Variants in UNC5C observed in about 807,000 individuals in gnomAD.
UNC5C encodes the protein unc-5 netrin receptor C.
A neutral mutation model predicts 99.8 loss-of-function variants in UNC5C; 47 were observed. The observed-to-expected ratio is 0.47, with a 90% CI of 0.37 to 0.60. The LOEUF is 0.60. UNC5C is among the 20% of genes least tolerant of loss of function. The probability of loss-of-function intolerance (pLI) is 0.00; values close to 1 mark genes in which losing one functional copy is unlikely to be tolerated. For synonymous variants in UNC5C, 487 were observed against 452.2 expected (o/e 1.08, Z -0.98); for missense variants, 1,062 against 1,165.9 (o/e 0.91, Z 1.30).
intron 1 of UNC5C, among the ~76,000 whole-genome samples, chr4:95,339,492 C>CTTTATGATACTA (rs6148579): frequency 0.62 from 93,754 of 151,512 alleles, 29,322 homozygotes; most frequent in East Asian, 0.85. Flanking sequence ...AAAAAAACAG[C>CTTTATGATACTA]TTAAGGTCAT....
chr4:95,441,451 A>G (rs1252483015), intron 1 of UNC5C, among the ~76,000 whole-genome samples: 1 of 152,192 alleles, frequency 6.6e-6, no homozygotes, highest in Non-Finnish European at 1.5e-5. Flanking sequence ...TTATCAGTGA[A>G]AAATATGCCC....
intron 7 of UNC5C, among the ~76,000 whole-genome samples, chr4:95,229,797 C>CTTT (rs71583694): frequency 0.018 from 1,419 of 79,556 alleles, 233 homozygotes; most frequent in African/African-American, 0.064. Context: ...CTGTTGTTTC[C>CTTT]TTTTTTTTTT....
At chr4:95,510,193 AG>A (rs1339429119) in intron 1 of UNC5C, among the ~76,000 whole-genome samples, 6 of 152,058 alleles carry the variant, frequency 3.9e-5, no homozygotes, top group African/African-American at 1.4e-4. Context: ...AATGGACAAA[AG>A]AAAGCTTTAT....
intron 14 of UNC5C, among the ~76,000 whole-genome samples, chr4:95,173,748 A>G (rs921526381): frequency 6.2e-4 from 95 of 152,100 alleles, no homozygotes; most frequent in Admixed American, 1.1e-3. Flanking sequence ...GGATGATGCT[A>G]GCCTCATAAA....
At position 95,185,138 on chromosome 4, in the gene UNC5C, A is replaced by AGAG. The variant is rs1002826406; in HGVS notation, c.2192_2194dup (p.Ala731_Leu732insPro). 1.8e-5 allele frequency: 29 copies of AGAG among 1,613,868 alleles called. No homozygotes were observed. Among genetic ancestry groups the AGAG allele is most frequent in the Non-Finnish European group, 2.3e-5 (27 of 1,179,964 alleles). On this transcript the variant is annotated inframe_insertion, in exon 13 of 16. Coordinates refer to ENST00000453304, the MANE Select transcript of UNC5C (RefSeq NM_003728.4). ...GTTGTGGGTGCTGCCTTTAAAATGA[A>AGAG]GAGCCTTAGGTTCTTCTAGGAGCTG...
chr4:95,520,853 G>A (rs1381707824), intron 1 of UNC5C, among the ~76,000 whole-genome samples: 1 of 151,894 alleles, frequency 6.6e-6, no homozygotes, highest in Non-Finnish European at 1.5e-5. Context: ...ACCCGCCTCG[G>A]CCCCCAAAGT....
rs187123454 is a variant in UNC5C at position 95,182,622 on chromosome 4, G to C, written c.2451+275C>G. Among the ~76,000 whole-genome samples the C allele has an allele frequency of 1.1e-3, 162 of 152,208 alleles. 1 individual carries two copies. The highest frequency in any genetic ancestry group is 3.7e-3 in the African/African-American group (153 of 41,528). Reference sequence around the variant, plus strand: ...AAATTAAACCTTTACTTGAAATTCAGATCTGTTTTTACAAGTTAGAACATA... The same window carrying C: ...AAATTAAACCTTTACTTGAAATTCACATCTGTTTTTACAAGTTAGAACATA... On this transcript the variant is annotated intron_variant, in intron 14 of 15. Transcript: ENST00000453304.
chr4:95,521,414 C>T lies in UNC5C; in HGVS notation c.124+27320G>A, dbSNP rs1365139324. Reference sequence around the variant, plus strand: ...TGTATTTTTAGTAGAGACGGGGTTTCACCATGTTGGCCAGGCTGGTCTTGA... The same window carrying T: ...TGTATTTTTAGTAGAGACGGGGTTTTACCATGTTGGCCAGGCTGGTCTTGA... On this transcript the variant is annotated intron_variant, in intron 1 of 15. Transcript: ENST00000453304. Among the ~76,000 whole-genome samples the T allele has an allele frequency of 3.9e-5, 6 of 151,916 alleles. 1 individual carries two copies. Among genetic ancestry groups the T allele is most frequent in the African/African-American group, 1.4e-4 (6 of 41,444 alleles).
At chr4:95,466,762 T>C (rs1310760568) in intron 1 of UNC5C, among the ~76,000 whole-genome samples, 1 of 152,208 alleles carries the variant, frequency 6.6e-6, no homozygotes, top group Non-Finnish European at 1.5e-5. Flanking sequence ...TATAGTGTTA[T>C]TGAAGTGACC....
At chr4:95,323,651 A>G (rs907414309) in intron 2 of UNC5C, among the ~76,000 whole-genome samples, 1 of 152,232 alleles carries the variant, frequency 6.6e-6, no homozygotes, top group Non-Finnish European at 1.5e-5. Flanking sequence ...ATGTGTGAGC[A>G]GCATTTCCTA....
chr4:95,542,312 A>C (rs1722940370), intron 1 of UNC5C, among the ~76,000 whole-genome samples: 1 of 152,188 alleles, frequency 6.6e-6, no homozygotes, highest in African/African-American at 2.4e-5. Context: ...TAACTAAAAG[A>C]GGGTATTCAC....
intron 1 of UNC5C, among the ~76,000 whole-genome samples, chr4:95,532,521 G>A (rs1288431740): frequency 6.6e-6 from 1 of 151,232 alleles, no homozygotes; most frequent in Non-Finnish European, 1.5e-5. Context: ...GGAGACACCA[G>A]AATCAACTCA....
chr4:95,236,907 C>G (rs1245581465), intron 7 of UNC5C, among the ~76,000 whole-genome samples: 2 of 152,102 alleles, frequency 1.3e-5, no homozygotes, highest in Non-Finnish European at 2.9e-5. Flanking sequence ...AGTTGGCATA[C>G]AGCTGCTCCT....
intron 1 of UNC5C, among the ~76,000 whole-genome samples, chr4:95,374,231 C>T (rs994798723): frequency 3.3e-5 from 5 of 152,028 alleles, no homozygotes; most frequent in African/African-American, 9.7e-5. Context: ...GGTTTGCACA[C>T]CATATGCCTA....
At chr4:95,292,332 C>T (rs1011506229) in intron 3 of UNC5C, among the ~76,000 whole-genome samples, 27 of 149,294 alleles carry the variant, frequency 1.8e-4, no homozygotes, top group East Asian at 1.6e-3. Flanking sequence ...TGCAGTAGTG[C>T]GATCTCAGCT....
intron 1 of UNC5C, among the ~76,000 whole-genome samples, chr4:95,368,541 C>T (rs1450714351): frequency 6.6e-6 from 1 of 151,986 alleles, no homozygotes. Context: ...TTCATTAAAC[C>T]CTGTGACTTT....
intron 7 of UNC5C, among the ~76,000 whole-genome samples, chr4:95,233,350 C>T (rs972661982): frequency 3.3e-5 from 5 of 152,046 alleles, no homozygotes; most frequent in Admixed American, 6.5e-5. Context: ...TGGCATGAAC[C>T]GTCTTCAGCA....
chr4:95,442,062 G>A (rs944609111), intron 1 of UNC5C, among the ~76,000 whole-genome samples: 1 of 152,146 alleles, frequency 6.6e-6, no homozygotes, highest in African/African-American at 2.4e-5. Context: ...GACATGTGAC[G>A]CTGTGAACCA....
chr4:95,255,284 G>A (rs372804187), intron 4 of UNC5C, among the ~76,000 whole-genome samples: 25 of 152,168 alleles, frequency 1.6e-4, no homozygotes, highest in East Asian at 5.8e-4. Context: ...CCGGCACCCC[G>A]CTCTGTGTTC....
Sources: gnomAD v4.1 joint callset for allele counts (sites outside exome capture counted in the v4.1 genomes callset) on GRCh38, gnomAD v4.1.1 for gene constraint, MANE v1.5 for transcripts, NCBI Gene and HGNC (gene_info 2026-07-23, HGNC 2026-07-21) for gene names.